Variants in ANKRD27 observed in about 807,000 individuals in gnomAD.
ANKRD27 encodes ankyrin repeat domain-containing protein 27.
Under a neutral mutation model 129.7 loss-of-function variants are expected in ANKRD27, and 112 were observed. That is an observed-to-expected ratio of 0.86 (90% CI 0.74 to 1.01). The LOEUF (loss-of-function observed/expected upper bound fraction) is 1.01. Ranked by LOEUF, ANKRD27 falls within the 50% of genes least tolerant of loss-of-function variation. The pLI is 0.00. For synonymous variants in ANKRD27, 516 were observed against 511.2 expected (o/e 1.01, Z -0.13); for missense variants, 1,258 against 1,300.5 (o/e 0.97, Z 0.50).
At chr19:32,674,471 G>C (rs1967938936) in intron 1 of ANKRD27, among the ~76,000 whole-genome samples, 1 of 152,248 alleles carries the variant, frequency 6.6e-6, no homozygotes, top group Admixed American at 6.5e-5. Flanking sequence ...CTCCTGGGCA[G>C]TCCATTTTCA....
intron 2 of ANKRD27, chr19:32,654,910 C>G (rs1303627658): frequency 6.6e-6 from 1 of 152,114 alleles, no homozygotes; most frequent in South Asian, 2.1e-4. Context: ...GCCATCCAAG[C>G]AGCTGGGATT....
At chr19:32,665,361 C>T in intron 1 of ANKRD27, among the ~76,000 whole-genome samples, 1 of 151,082 alleles carries the variant, frequency 6.6e-6, no homozygotes, top group East Asian at 1.9e-4. Context: ...ACAATCTCAG[C>T]TCACTGCAAC....
At chr19:32,622,350 G>C (rs1029021844) in intron 18 of ANKRD27, 72 bp downstream of exon 18, 58 of 1,535,554 alleles carry the variant, frequency 3.8e-5, no homozygotes, top group Non-Finnish European at 5.2e-5. Context: ...TTGTCTAGTA[G>C]GCCAAGACCT....
chr19:32,639,242 C>T (rs1967147971), intron 12 of ANKRD27, 114 bp downstream of exon 12: 3 of 1,281,064 alleles, frequency 2.3e-6, no homozygotes, highest in Admixed American at 2.1e-5. Context: ...ACAGCTGAGG[C>T]CCCATTCCTG....
chr19:32,666,022 C>G (rs1304017929), intron 1 of ANKRD27, among the ~76,000 whole-genome samples: 1 of 152,198 alleles, frequency 6.6e-6, no homozygotes, highest in East Asian at 1.9e-4. Flanking sequence ...CCTACCTCGG[C>G]CTCCCAAACT....
chr19:32,602,659 C>T (rs10404211), intron 25 of ANKRD27, among the ~76,000 whole-genome samples: 21,335 of 151,054 alleles, frequency 0.14, 1,703 homozygotes, highest in Middle Eastern at 0.27. Flanking sequence ...TTTGAGAGGC[C>T]GAGGCGGGTG....
At chr19:32,642,814 T>C (rs1967226090) in intron 9 of ANKRD27, among the ~76,000 whole-genome samples, 1 of 151,954 alleles carries the variant, frequency 6.6e-6, no homozygotes, top group South Asian at 2.1e-4. Flanking sequence ...GGTGGGCAGG[T>C]GGGATGTCCC....
chr19:32,646,498 G>A lies in ANKRD27; in HGVS notation c.331C>T (p.Leu111=), dbSNP rs1470026293. ...YNEKEESFSI[L]CIAHPLEKRE... ...TTTTCCAAAGGATGGGCTATACACA[G>A]GATGCTGAAACTCTCTTCTTTTTCA... The change falls in exon 4 of 29, where the codon CTG becomes TTG. Residue 111 remains leucine, a synonymous_variant. Coordinates refer to ENST00000306065, the MANE Select transcript of ANKRD27 (RefSeq NM_032139.3). The A allele has an allele frequency of 9.9e-6, 16 of 1,614,048 alleles. No homozygotes were observed. The highest frequency in any genetic ancestry group is 1.2e-5 in the Non-Finnish European group (14 of 1,180,014).
At position 32,598,133 on chromosome 19, in the gene ANKRD27, T is replaced by A. The variant is rs775248678; in HGVS notation, c.*12A>T. The A allele has an allele frequency of 5.6e-6, 9 of 1,611,726 alleles. No individual in the cohort carries two copies. The highest frequency in any genetic ancestry group is 1.6e-4 in the Middle Eastern group (1 of 6,080). ...GCTTCCTAGCAGTGGGTTCAACAAC[T>A]CCTCATTCCTGTTAGGACCGGGAAG... On this transcript the variant is annotated 3_prime_UTR_variant, in exon 29 of 29. Coordinates refer to ENST00000306065, the MANE Select transcript of ANKRD27 (RefSeq NM_032139.3).
intron 1 of ANKRD27, among the ~76,000 whole-genome samples, chr19:32,669,085 T>A (rs1269917259): frequency 6.6e-6 from 1 of 152,168 alleles, no homozygotes; most frequent in Non-Finnish European, 1.5e-5. Flanking sequence ...GCGCTGGGAT[T>A]ACAGCGTGAG....
chr19:32,610,961 A>G (rs1473871451), intron 22 of ANKRD27, among the ~76,000 whole-genome samples: 1 of 151,722 alleles, frequency 6.6e-6, no homozygotes, highest in East Asian at 1.9e-4. Context: ...AGCCTGGGTG[A>G]CAGAGTGAAA....
intron 22 of ANKRD27, 98 bp from the exon 23 acceptor site, chr19:32,607,930 A>C: frequency 8.3e-7 from 1 of 1,211,732 alleles, no homozygotes; most frequent in Non-Finnish European, 1.2e-6. Flanking sequence ...TCCCACACAC[A>C]ATGCGGGATC....
chr19:32,631,692 G>C lies in ANKRD27; in HGVS notation c.1117-198C>G, dbSNP rs1280403121. Among the ~76,000 whole-genome samples the C allele has an allele frequency of 3.3e-5, 5 of 152,226 alleles. No homozygotes were observed. In the East Asian group the frequency reaches 9.6e-4, roughly 29 times the overall value. ...AAGGCTTCCTGGAAGTGGAGGCTTTGACGGTTGCTCCCTGTGGGGGATGGG... is the reference window on the plus strand; with the variant it reads ...AAGGCTTCCTGGAAGTGGAGGCTTTCACGGTTGCTCCCTGTGGGGGATGGG... On this transcript the variant is annotated intron_variant, in intron 12 of 28. Transcript: ENST00000306065.
intron 1 of ANKRD27, among the ~76,000 whole-genome samples, chr19:32,663,240 C>A (rs984659445): frequency 6.6e-6 from 1 of 152,134 alleles, no homozygotes; most frequent in Non-Finnish European, 1.5e-5. Flanking sequence ...CCAGCAAGCA[C>A]AGCCAACCCA....
chr19:32,635,829 G>C (rs1156431169), intron 12 of ANKRD27, among the ~76,000 whole-genome samples: 1 of 152,196 alleles, frequency 6.6e-6, no homozygotes, highest in Non-Finnish European at 1.5e-5. Context: ...GCGAGATCAT[G>C]ATCTAAAATT....
intron 28 of ANKRD27, among the ~76,000 whole-genome samples, chr19:32,599,432 T>C (rs560170256): frequency 6.6e-6 from 1 of 152,354 alleles, no homozygotes; most frequent in South Asian, 2.1e-4. Context: ...AAATGTGGGA[T>C]GTTTCATCTC....
At chr19:32,633,126 T>TA (rs1174222874) in intron 12 of ANKRD27, among the ~76,000 whole-genome samples, 1 of 152,146 alleles carries the variant, frequency 6.6e-6, no homozygotes, top group Non-Finnish European at 1.5e-5. Context: ...GTTAACGATT[T>TA]AGACAGCAGT....
chr19:32,639,372 A>T lies in ANKRD27; in HGVS notation c.1100T>A (p.Leu367His), dbSNP rs1177486953. The T allele has an allele frequency of 3.7e-6, 6 of 1,614,242 alleles. No individual in the cohort carries two copies. The highest frequency in any genetic ancestry group is 5.1e-6 in the Non-Finnish European group (6 of 1,180,050). ...AAIEYIRQGS[L>H]SAKPPESEGF... The stretch of plus-strand genomic sequence containing the variant: ...AGATCTTACAGGGGGTTTAGCAGAG[A>T]GGCTTCCTTGCCGAATATATTCAAT... Residue 367 changes from leucine to histidine, a missense_variant, in exon 12 of 29, where the codon CTC becomes CAC. Transcript: ENST00000306065.
At chr19:32,648,461 C>G (rs1967344802) in intron 3 of ANKRD27, among the ~76,000 whole-genome samples, 1 of 152,244 alleles carries the variant, frequency 6.6e-6, no homozygotes, top group Admixed American at 6.5e-5. Context: ...GGGAAATACA[C>G]ACTGAGCTGT....
Sources: allele counts gnomAD v4.1 joint callset (sites outside exome capture counted in the v4.1 genomes callset), GRCh38; gene constraint gnomAD v4.1.1; transcripts MANE v1.5; gene names NCBI Gene and HGNC (gene_info 2026-07-23, HGNC 2026-07-21).